BMPR1B: variants seen among roughly 807,000 people sequenced by gnomAD.
BMPR1B encodes the protein bone morphogenetic protein receptor type 1B.
BMPR1B carries 12 observed loss-of-function variants against 59.1 expected under a neutral mutation model. The observed-to-expected ratio is 0.20, with a 90% CI of 0.13 to 0.33. The LOEUF (loss-of-function observed/expected upper bound fraction) is 0.33, where lower values mean the gene tolerates loss of function less well. Ranked by LOEUF, BMPR1B falls within the 10% of genes least tolerant of loss-of-function variation. The probability of loss-of-function intolerance (pLI) is 1.00; values close to 1 mark genes in which losing one functional copy is unlikely to be tolerated. For missense variants in BMPR1B, 550 were observed against 610.9 expected (o/e 0.90, Z 1.05); for synonymous variants, 237 against 207.3 (o/e 1.14, Z -1.23).
Position 95,103,535 on chromosome 4 carries a change from C to T in BMPR1B, c.-17-873C>T, listed in dbSNP as rs1471252230. ...CAAAATAGGTAATAATTAATGCATG[C>T]CCTCTTCTGTGTAACATAAACATTC... On this transcript the variant is annotated intron_variant, in intron 3 of 12. Coordinates refer to ENST00000515059, the MANE Select transcript of BMPR1B (RefSeq NM_001203.3). The T allele has an allele frequency of 7.3e-6, 7 of 958,188 alleles. No individual in the cohort carries two copies. In the South Asian group the frequency reaches 2.4e-4, roughly 33 times the overall value. 59.4% of individuals were successfully genotyped at this position (958,188 alleles called of 1,614,324 possible). A position where few individuals can be genotyped will look rare whatever the true frequency, so the allele number is the denominator to read the frequency against.
At chr4:94,830,860 T>C (rs979291619) in intron 1 of BMPR1B, among the ~76,000 whole-genome samples, 5 of 152,192 alleles carry the variant, frequency 3.3e-5, no homozygotes, top group African/African-American at 1.2e-4. Flanking sequence ...AACAAACCTG[T>C]GCTGCCAATC....
intron 1 of BMPR1B, among the ~76,000 whole-genome samples, chr4:94,866,570 T>A (rs1275526903): frequency 6.6e-6 from 1 of 152,076 alleles, no homozygotes; most frequent in East Asian, 1.9e-4. Context: ...CACCAATTCA[T>A]TGCTTTTTTG....
At chr4:94,782,448 G>C (rs1406201385) in intron 1 of BMPR1B, among the ~76,000 whole-genome samples, 1 of 151,882 alleles carries the variant, frequency 6.6e-6, no homozygotes, top group Non-Finnish European at 1.5e-5. Flanking sequence ...TGGACCATAG[G>C]TGCATGTGAC....
At chr4:95,117,525 G>T (rs1732158336) in intron 6 of BMPR1B, among the ~76,000 whole-genome samples, 1 of 152,004 alleles carries the variant, frequency 6.6e-6, no homozygotes, top group Non-Finnish European at 1.5e-5. Flanking sequence ...GCTCACACCT[G>T]TAATCTCAGC....
chr4:95,040,625 G>C (rs1455441812), intron 3 of BMPR1B, among the ~76,000 whole-genome samples: 1 of 152,168 alleles, frequency 6.6e-6, no homozygotes, highest in Non-Finnish European at 1.5e-5. Context: ...TGGCAAGTCA[G>C]GTTATTAGCT....
intron 1 of BMPR1B, among the ~76,000 whole-genome samples, chr4:94,808,556 T>A (rs1332945475): frequency 6.6e-6 from 1 of 152,158 alleles, no homozygotes; most frequent in African/African-American, 2.4e-5. Context: ...TGGTTATGGT[T>A]TTGCTTTAGG....
chr4:95,021,290 C>T (rs1483288335), intron 3 of BMPR1B, among the ~76,000 whole-genome samples: 1 of 152,134 alleles, frequency 6.6e-6, no homozygotes, highest in African/African-American at 2.4e-5. Flanking sequence ...GAATGCAGTG[C>T]AAATGCAGTG....
chr4:94,953,462 A>C (rs1232213411), intron 2 of BMPR1B, among the ~76,000 whole-genome samples: 1 of 152,192 alleles, frequency 6.6e-6, no homozygotes, highest in South Asian at 2.1e-4. Flanking sequence ...CCTGGTAGTG[A>C]CAAAATCCTT....
chr4:94,807,486 GATA>G (rs1241240232), intron 1 of BMPR1B, among the ~76,000 whole-genome samples: 2 of 151,298 alleles, frequency 1.3e-5, no homozygotes, highest in Non-Finnish European at 3.0e-5. Context: ...TCAATTTACT[GATA>G]ATGTTTAGTA....
chr4:94,882,193 TA>T (rs1428031381), intron 2 of BMPR1B, among the ~76,000 whole-genome samples: 2 of 152,144 alleles, frequency 1.3e-5, no homozygotes, highest in African/African-American at 2.4e-5. Flanking sequence ...ATTTTTTAAT[TA>T]AAAAAATTAT....
chr4:95,002,982 A>C (rs1275967180), intron 3 of BMPR1B, among the ~76,000 whole-genome samples: 1 of 151,502 alleles, frequency 6.6e-6, no homozygotes, highest in African/African-American at 2.4e-5. Flanking sequence ...TCTGGTTTAG[A>C]ATGTTCCTTT....
intron 3 of BMPR1B, among the ~76,000 whole-genome samples, chr4:95,052,019 T>G (rs1421626496): frequency 6.6e-6 from 1 of 152,226 alleles, no homozygotes; most frequent in African/African-American, 2.4e-5. Flanking sequence ...GAGAATTAAA[T>G]ACAATTAAAC....
In BMPR1B at chr4:94,787,677, A is replaced by AT. The variant is rs1722811308; in HGVS notation, c.-183+29610dup. On this transcript the variant is annotated intron_variant, in intron 1 of 12. Transcript: ENST00000515059. ...TTCATTTGCTTTAAGAATGGCTCCCATGTTATGTAAAACTTATATTAAATA... is the reference window on the plus strand; with the variant it reads ...TTCATTTGCTTTAAGAATGGCTCCCATTGTTATGTAAAACTTATATTAAATA... 2.0e-5 allele frequency among the ~76,000 whole-genome samples: 3 copies of AT among 152,322 alleles called. No individual in the cohort carries two copies. The South Asian group carries it at 6.2e-4, about 32-fold the overall frequency.
intron 1 of BMPR1B, among the ~76,000 whole-genome samples, chr4:94,813,233 A>G (rs1413003639): frequency 6.6e-6 from 1 of 152,176 alleles, no homozygotes; most frequent in Non-Finnish European, 1.5e-5. Flanking sequence ...AGGTGGTGAT[A>G]AAAGAGCTGT....
At chr4:95,053,139 C>G (rs1164468500) in intron 3 of BMPR1B, among the ~76,000 whole-genome samples, 1 of 152,040 alleles carries the variant, frequency 6.6e-6, no homozygotes, top group Non-Finnish European at 1.5e-5. Flanking sequence ...TTAGAATGTC[C>G]CTTAACATAA....
At chr4:95,114,512 A>G (rs774490280) in intron 4 of BMPR1B, among the ~76,000 whole-genome samples, 2 of 152,212 alleles carry the variant, frequency 1.3e-5, no homozygotes, top group Admixed American at 6.6e-5. Context: ...CAAAGGAGAT[A>G]TTACAAAATG....
chr4:94,813,324 C>T (rs1021949098), intron 1 of BMPR1B, among the ~76,000 whole-genome samples: 5 of 151,988 alleles, frequency 3.3e-5, no homozygotes, highest in South Asian at 2.1e-4. Context: ...AAATCGAGAA[C>T]GGCCACTCAG....
intron 3 of BMPR1B, among the ~76,000 whole-genome samples, chr4:94,998,111 GA>G (rs1335737449): frequency 6.6e-6 from 1 of 152,122 alleles, no homozygotes; most frequent in African/African-American, 2.4e-5. Flanking sequence ...AAGACTGGTT[GA>G]GTGTTTTAAA....
At chr4:94,939,672 A>G (rs1203468061) in intron 2 of BMPR1B, among the ~76,000 whole-genome samples, 1 of 152,222 alleles carries the variant, frequency 6.6e-6, no homozygotes, top group Non-Finnish European at 1.5e-5. Flanking sequence ...AGCTAGAGGT[A>G]GCATATTACC....
Sources: gnomAD v4.1 joint callset for allele counts (sites outside exome capture counted in the v4.1 genomes callset) on GRCh38, gnomAD v4.1.1 for gene constraint, MANE v1.5 for transcripts, NCBI Gene and HGNC (gene_info 2026-07-23, HGNC 2026-07-21) for gene names.